Variants in SAMD12 observed in about 807,000 individuals in gnomAD.
The protein encoded by SAMD12 is sterile alpha motif domain containing 12, also known as sterile alpha motif domain-containing protein 12.
SAMD12 carries 9 observed loss-of-function variants against 15.0 expected under a neutral mutation model. The ratio of observed to expected loss-of-function variants is 0.60; its 90% CI spans 0.36 to 1.05. SAMD12 has a LOEUF of 1.05. Among genes scored for constraint, SAMD12 ranks in the 50% least tolerant of loss-of-function variants. SAMD12 has a pLI of 0.01. For missense variants in SAMD12, 230 were observed against 234.2 expected, an observed-to-expected ratio of 0.98 and a Z score of 0.12; for synonymous variants, 86 against 90.1, an observed-to-expected ratio of 0.96 and a Z score of 0.25.
chr8:118,571,808 C>CA lies in SAMD12; in HGVS notation c.192+8906dup, dbSNP rs1249167318. On this transcript the variant is annotated intron_variant, in intron 2 of 3. Coordinates refer to ENST00000314727, the MANE Select transcript of SAMD12 (RefSeq NM_207506.3). ...TTCAGGCAGAAGTTTGCTGTAGGGG[C>CA]AGGGTCCTCATGGAGAACCTCTGCT... Among the ~76,000 whole-genome samples the CA allele has an allele frequency of 9.8e-5, 15 of 152,332 alleles. No homozygotes were observed. The South Asian group carries it at 3.1e-3, about 32-fold the overall frequency.
the SAMD12 span, among the ~76,000 whole-genome samples, chr8:118,168,997 T>C: frequency 6.6e-6 from 1 of 152,116 alleles, no homozygotes; most frequent in African/African-American, 2.4e-5. Flanking sequence ...TAATACTTAT[T>C]TTTTTCTTTT....
At chr8:118,502,949 C>T (rs545643815) in intron 2 of SAMD12, among the ~76,000 whole-genome samples, 1 of 152,222 alleles carries the variant, frequency 6.6e-6, no homozygotes, top group South Asian at 2.1e-4. Context: ...AAGTTCACGC[C>T]AAAACAATAC....
intron 4 of SAMD12, among the ~76,000 whole-genome samples, chr8:118,367,413 C>T (rs879436420): frequency 5.3e-5 from 8 of 152,168 alleles, no homozygotes; most frequent in Non-Finnish European, 1.2e-4. Flanking sequence ...CTATACTTAT[C>T]CTCAAGAATA....
At chr8:118,515,597 G>A (rs138887909) in intron 2 of SAMD12, among the ~76,000 whole-genome samples, 2 of 152,228 alleles carry the variant, frequency 1.3e-5, no homozygotes, top group Non-Finnish European at 2.9e-5. Flanking sequence ...ACATACTCAA[G>A]CTGTCCTCAC....
At position 118,458,950 on chromosome 8, in the gene SAMD12, A is replaced by ATGTG. The variant is rs56067272; in HGVS notation, c.193-18993_193-18990dup. 1.6e-3 allele frequency among the ~76,000 whole-genome samples: 237 copies of ATGTG among 149,374 alleles called. 2 individuals carry two copies. Among genetic ancestry groups the ATGTG allele is most frequent in the Middle Eastern group, 3.4e-3 (1 of 290 alleles). On this transcript the variant is annotated intron_variant, in intron 2 of 3. Coordinates refer to ENST00000314727, the MANE Select transcript of SAMD12 (RefSeq NM_207506.3). ...CAAATAGTAAAGTCTTCAGCTATAT[A>ATGTG]TGTGTGTGTGTGTGTGTGTGTGTGT...
intron 2 of SAMD12, among the ~76,000 whole-genome samples, chr8:118,530,717 T>A (rs1825661723): frequency 6.6e-6 from 1 of 152,246 alleles, no homozygotes. Flanking sequence ...AAGTCCCATA[T>A]GTCTACTTTT....
intron 3 of SAMD12, among the ~76,000 whole-genome samples, chr8:118,418,367 T>A (rs1292348122): frequency 2.0e-5 from 3 of 152,042 alleles, no homozygotes; most frequent in Non-Finnish European, 4.4e-5. Flanking sequence ...CCAACTCAAA[T>A]GTGTGCAGCC....
chr8:118,237,372 A>G (rs987558055), intron 4 of SAMD12, among the ~76,000 whole-genome samples: 2 of 152,212 alleles, frequency 1.3e-5, no homozygotes, highest in African/African-American at 4.8e-5. Flanking sequence ...TGTTATTGTT[A>G]TAACTATGAC....
chr8:118,269,983 G>C (rs942505863), intron 4 of SAMD12, among the ~76,000 whole-genome samples: 3 of 152,144 alleles, frequency 2.0e-5, no homozygotes, highest in Non-Finnish European at 4.4e-5. Flanking sequence ...GGGGTCAGCA[G>C]ACATATTTAG....
At chr8:118,208,056 G>A (rs570313680) in intron 4 of SAMD12, among the ~76,000 whole-genome samples, 2 of 152,044 alleles carry the variant, frequency 1.3e-5, no homozygotes, top group African/African-American at 4.8e-5. Context: ...TCGGGAGTTC[G>A]AGACCAGTCT....
chr8:118,321,183 A>G (rs1218268111), intron 4 of SAMD12, among the ~76,000 whole-genome samples: 1 of 99,550 alleles, frequency 1.0e-5, no homozygotes, highest in African/African-American at 3.5e-5. Flanking sequence ...ATATATATAT[A>G]TATTCTTCAT....
At chr8:118,134,626 C>T in the SAMD12 span, among the ~76,000 whole-genome samples, 3 of 152,142 alleles carry the variant, frequency 2.0e-5, no homozygotes, top group Non-Finnish European at 2.9e-5. Flanking sequence ...CAGCAATCTA[C>T]GGTTTAATGA....
intron 4 of SAMD12, among the ~76,000 whole-genome samples, chr8:118,364,450 C>A (rs1015711545): frequency 3.9e-5 from 6 of 152,132 alleles, no homozygotes; most frequent in African/African-American, 1.4e-4. Flanking sequence ...GAGCTGAAAA[C>A]TCCTTCTGAA....
chr8:118,278,370 G>A (rs1813520946), intron 4 of SAMD12, among the ~76,000 whole-genome samples: 1 of 152,140 alleles, frequency 6.6e-6, no homozygotes, highest in Non-Finnish European at 1.5e-5. Context: ...TTATCACTGT[G>A]CTTTATCACT....
intron 3 of SAMD12, among the ~76,000 whole-genome samples, chr8:118,416,504 T>C (rs1338067307): frequency 1.3e-5 from 2 of 152,198 alleles, no homozygotes; most frequent in African/African-American, 4.8e-5. Context: ...TAACAAAGAC[T>C]AGTTTCATCT....
At chr8:118,412,569 A>G (rs7827332) in intron 3 of SAMD12, among the ~76,000 whole-genome samples, 29,738 of 152,088 alleles carry the variant, frequency 0.2, 3,106 homozygotes, top group South Asian at 0.28. Flanking sequence ...GTCTGCTCTA[A>G]CATATGGAGT....
chr8:118,269,212 CTCTCTCTCTG>C (rs910041675), intron 4 of SAMD12, among the ~76,000 whole-genome samples: 4 of 117,974 alleles, frequency 3.4e-5, no homozygotes, highest in Non-Finnish European at 6.7e-5. Context: ...CTCTCTCTCT[CTCTCTCTCTG>C]TGTGTGTGTG....
intron 4 of SAMD12, among the ~76,000 whole-genome samples, chr8:118,212,825 A>C (rs549822797): frequency 3.3e-5 from 5 of 152,346 alleles, no homozygotes; most frequent in Admixed American, 3.3e-4. Flanking sequence ...CTGCCATGTG[A>C]CCTACAGTGA....
At chr8:118,335,733 C>T (rs1817024152) in intron 4 of SAMD12, among the ~76,000 whole-genome samples, 1 of 152,144 alleles carries the variant, frequency 6.6e-6, no homozygotes, top group Non-Finnish European at 1.5e-5. Flanking sequence ...CACTGAGGGC[C>T]TTTTCTATGG....
Sources: gnomAD v4.1 joint callset for allele counts (sites outside exome capture counted in the v4.1 genomes callset) on GRCh38, gnomAD v4.1.1 for gene constraint, MANE v1.5 for transcripts, NCBI Gene and HGNC (gene_info 2026-07-23, HGNC 2026-07-21) for gene names.